The following TET3 variants were observed in gnomAD, a reference collection of about 807,000 sequenced individuals.
The protein encoded by TET3 is methylcytosine dioxygenase TET3.
In TET3, 19 loss-of-function variants were observed where a neutral mutation model predicts 141.4. That is an observed-to-expected ratio of 0.13 (90% confidence interval 0.09 to 0.20). TET3 has a LOEUF of 0.20. Among genes scored for constraint, TET3 ranks in the 10% least tolerant of loss-of-function variants. The probability of loss-of-function intolerance (pLI) is 1.00; values close to 1 mark genes in which losing one functional copy is unlikely to be tolerated. For missense variants in TET3, 1,874 were observed against 2,356.9 expected (o/e 0.80, Z 4.24); for synonymous variants, 1,043 against 980.9 (o/e 1.06, Z -1.18).
chr2:73,999,546 C>T (rs555196468), intron 2 of TET3, among the ~76,000 whole-genome samples: 1 of 152,056 alleles, frequency 6.6e-6, no homozygotes, highest in Non-Finnish European at 1.5e-5. Context: ...TCCTGAGGTT[C>T]TCAGTGTTAG....
At chr2:74,114,698 C>T in the TET3 span, among the ~76,000 whole-genome samples, 1 of 150,968 alleles carries the variant, frequency 6.6e-6, no homozygotes, top group Non-Finnish European at 1.5e-5. Context: ...ACTGAAAATA[C>T]AAAAAATTGG....
Position 74,093,107 on chromosome 2 carries a change from TC to T in TET3, c.3129+118del. The T allele has an allele frequency of 1.0e-6, 1 of 965,514 alleles. No homozygotes were observed. The highest frequency in any genetic ancestry group is 1.6e-6 in the Non-Finnish European group (1 of 639,394). The allele number at this position is 965,514 out of a possible 1,614,324, so 59.8% of individuals were successfully genotyped here. On this transcript the variant is annotated intron_variant, in intron 9 of 11. Transcript: ENST00000409262. This position sits in a 1 kb window ranked among gnomAD's most constrained non-coding sequence, Gnocchi z 4.2. ...TTACTCTCTTATGGGAAGAGCCTAG[TC>T]CAGAAGTAAAGCGATATGATGTGGT...
the TET3 span, among the ~76,000 whole-genome samples, chr2:74,133,859 C>T: frequency 5.3e-5 from 8 of 152,210 alleles, no homozygotes; most frequent in African/African-American, 1.9e-4. Context: ...ATTCTCCTGC[C>T]TCAGCCTCCT....
rs751769963 is a variant in TET3, at chr2:74,047,836, T to C, written c.1919T>C (p.Val640Ala). The change falls in exon 4 of 12, where the codon GTG becomes GCG. Residue 640 changes from valine (V) to alanine (A), a missense_variant. Transcript: ENST00000409262. ...EGLRSPASQE[V>A]QAHPPAPLPA... ...CTTAGGTCCCCAGCCTCCCAGGAAG[T>C]GCAGGCTCATCCACCGGCCCCTCTG... 1 of 1,612,858 alleles carries C rather than the reference T, an allele frequency of 6.2e-7. No individual in the cohort carries two copies. The highest frequency in any genetic ancestry group is 2.2e-5 in the East Asian group (1 of 44,812).
chr2:74,047,372 T>C lies in TET3; in HGVS notation c.1455T>C (p.Pro485=). 2 of 1,613,866 alleles carry C rather than the reference T, an allele frequency of 1.2e-6. No individual in the cohort carries two copies. Among genetic ancestry groups the C allele is most frequent in the Non-Finnish European group, 8.5e-7 (1 of 1,179,852 alleles). The change falls in exon 4 of 12, where the codon CCT becomes CCC. Residue 485 remains proline (P), a synonymous_variant. Coordinates refer to ENST00000409262, the MANE Select transcript of TET3 (RefSeq NM_001287491.2). ...TATTCAAGCGGCCTGAGGCCCTGCC[T>C]ACCAAGCCCAAGGTCAAGGTGGAGG... is the stretch of plus-strand genomic sequence containing the variant. ...QSVFKRPEAL[P]TKPKVKVEAP...
intron 10 of TET3, among the ~76,000 whole-genome samples, chr2:74,096,834 G>C (rs1328452836): frequency 6.6e-6 from 1 of 151,938 alleles, no homozygotes; most frequent in Non-Finnish European, 1.5e-5. Flanking sequence ...GCTCACACCT[G>C]TAATGCCAGC....
In TET3 at chr2:74,101,501, G is replaced by A; in HGVS notation, c.4713G>A (p.Gly1571=). Reference sequence around the variant, plus strand: ...AGGAGGGCAGGATTCCAGCCGCAGGGGCCAGCCAGCTGGACAGGGCCTGGC... The same window carrying A: ...AGGAGGGCAGGATTCCAGCCGCAGGAGCCAGCCAGCTGGACAGGGCCTGGC... ...KGEEGRIPAA[G]ASQLDRAWQS... Residue 1571 remains glycine (G), a synonymous_variant, in exon 12 of 12, where the codon GGG becomes GGA. Transcript: ENST00000409262. The surrounding 1 kb of genome is among the most constrained non-coding windows in gnomAD (Gnocchi z 8.5). 1 of 1,613,044 alleles carries A rather than the reference G, an allele frequency of 6.2e-7. No individual in the cohort carries two copies. Among genetic ancestry groups the A allele is most frequent in the Non-Finnish European group, 8.5e-7 (1 of 1,179,538 alleles).
At chr2:73,997,808 C>T (rs1416520908) in intron 2 of TET3, among the ~76,000 whole-genome samples, 1 of 152,268 alleles carries the variant, frequency 6.6e-6, no homozygotes, top group East Asian at 1.9e-4. Context: ...CTCTGTGTGT[C>T]CTTAATGATC....
chr2:74,114,473 C>T, the TET3 span, among the ~76,000 whole-genome samples: 2 of 152,082 alleles, frequency 1.3e-5, no homozygotes, highest in Non-Finnish European at 2.9e-5. Flanking sequence ...AATGTGAATA[C>T]ACTTAATGCC....
rs545683288 is a variant in TET3 at position 74,105,043 on chromosome 2, C to A, written c.*2867C>A. On this transcript the variant is annotated 3_prime_UTR_variant, in exon 12 of 12. Transcript: ENST00000409262. ...AAAGTAACTATGCACAGCTCTTTAT[C>A]CCCCCCTTGCTGCTGAAGCTTTCTT... 25 of 396,338 alleles carry A rather than the reference C, an allele frequency of 6.3e-5. No individual in the cohort carries two copies. The highest frequency in any genetic ancestry group is 1.1e-4 in the Non-Finnish European group (24 of 225,328). The allele number at this position is 396,338 out of a possible 1,614,324, so 24.6% of individuals were successfully genotyped here.
intron 4 of TET3, among the ~76,000 whole-genome samples, chr2:74,065,644 C>T (rs959084150): frequency 1.2e-4 from 18 of 149,188 alleles, no homozygotes; most frequent in African/African-American, 3.9e-4. Context: ...CCTTCTCTTT[C>T]TCTCTCTTCT....
chr2:74,028,139 A>C (rs1686476947), intron 3 of TET3, among the ~76,000 whole-genome samples: 1 of 151,508 alleles, frequency 6.6e-6, no homozygotes, highest in Admixed American at 6.6e-5. Flanking sequence ...GTGTGCCACC[A>C]CCATGCCTGC....
intron 3 of TET3, among the ~76,000 whole-genome samples, chr2:74,044,733 T>G (rs1687524403): frequency 6.6e-6 from 1 of 152,206 alleles, no homozygotes. Context: ...TGTCGCAAAG[T>G]CAGAATCTTA....
At chr2:74,037,006 T>C (rs1056288150) in intron 3 of TET3, among the ~76,000 whole-genome samples, 8 of 152,116 alleles carry the variant, frequency 5.3e-5, no homozygotes, top group African/African-American at 1.9e-4. Flanking sequence ...AACAACTGCC[T>C]CCCCCTCCCC....
At chr2:74,033,621 C>G (rs1326641809) in intron 3 of TET3, among the ~76,000 whole-genome samples, 1 of 152,156 alleles carries the variant, frequency 6.6e-6, no homozygotes, top group Non-Finnish European at 1.5e-5. Flanking sequence ...TACAGCTGGT[C>G]ACGTGAACTT....
At chr2:74,084,713 A>G (rs1249988579) in intron 6 of TET3, among the ~76,000 whole-genome samples, 1 of 152,114 alleles carries the variant, frequency 6.6e-6, no homozygotes, top group African/African-American at 2.4e-5. Flanking sequence ...TCGGCCTCCC[A>G]AAGTGCTGGG....
chr2:74,057,672 G>A (rs957091232), intron 4 of TET3, among the ~76,000 whole-genome samples: 11 of 152,198 alleles, frequency 7.2e-5, no homozygotes, highest in Admixed American at 2.0e-4. Context: ...AACCACTGGC[G>A]TCTAGAAGCT....
intron 2 of TET3, 140 bp downstream of exon 2, chr2:73,986,846 A>G (rs1684051940): frequency 6.2e-6 from 5 of 808,972 alleles, no homozygotes; most frequent in Non-Finnish European, 8.3e-6. Flanking sequence ...GTAGGAGTGT[A>G]ACTGACATGT....
intron 2 of TET3, among the ~76,000 whole-genome samples, chr2:73,992,481 T>G (rs1187016917): frequency 2.0e-5 from 3 of 152,004 alleles, no homozygotes; most frequent in Non-Finnish European, 4.4e-5. Flanking sequence ...GCCTGGCTAA[T>G]TTTTGTTTTT....
Sources: gnomAD v4.1 joint callset for allele counts (sites outside exome capture counted in the v4.1 genomes callset) on GRCh38, gnomAD v4.1.1 for gene constraint, Gnocchi (gnomAD v3.1) non-coding constraint, MANE v1.5 for transcripts, NCBI Gene and HGNC (gene_info 2026-07-23, HGNC 2026-07-21) for gene names.